PHKB: variants seen among roughly 807,000 people sequenced by gnomAD.
The protein encoded by PHKB is phosphorylase b kinase regulatory subunit beta.
Under a neutral mutation model 152.1 loss-of-function variants are expected in PHKB, and 122 were observed. The ratio of observed to expected loss-of-function variants is 0.80; its 90% CI spans 0.69 to 0.93. The LOEUF (loss-of-function observed/expected upper bound fraction) is 0.93, where lower values mean the gene tolerates loss of function less well. Ranked by LOEUF, PHKB falls within the 40% of genes least tolerant of loss-of-function variation. The pLI, the probability that PHKB is intolerant of heterozygous loss-of-function variation, is 0.00. For missense variants in PHKB, 1,304 were observed against 1,328.4 expected, an observed-to-expected ratio of 0.98 and a Z score of 0.29; for synonymous variants, 436 against 464.9, an observed-to-expected ratio of 0.94 and a Z score of 0.80.
intron 12 of PHKB, among the ~76,000 whole-genome samples, chr16:47,594,722 G>T (rs1972088630): frequency 6.6e-6 from 1 of 152,158 alleles, no homozygotes; most frequent in African/African-American, 2.4e-5. Context: ...ATGGTCAGAA[G>T]GCCCAGTCTT....
chr16:47,476,053 A>G (rs1969862757), intron 1 of PHKB, among the ~76,000 whole-genome samples: 1 of 151,764 alleles, frequency 6.6e-6, no homozygotes, highest in Non-Finnish European at 1.5e-5. Context: ...TTCTTGTTTT[A>G]GGGACAGGAT....
intron 20 of PHKB, among the ~76,000 whole-genome samples, chr16:47,651,624 G>A (rs890485611): frequency 6.6e-5 from 10 of 152,126 alleles, no homozygotes; most frequent in African/African-American, 2.4e-4. Flanking sequence ...TACTAAGACT[G>A]CGGTCTATTA....
intron 10 of PHKB, among the ~76,000 whole-genome samples, chr16:47,592,965 G>C (rs1972053914): frequency 6.6e-6 from 1 of 152,012 alleles, no homozygotes; most frequent in South Asian, 2.1e-4. Context: ...TTAGTGGCTG[G>C]CCACAGTGGT....
rs1973426477 is a variant in PHKB, at chr16:47,660,678, T to C, written c.2055T>C (p.Phe685=). ...DTEELPEFKS[F]EELEPPKHSK... ...TTAGGCTTCCAGAATTTAAGAGTTT[T>C]GAGGAACTAGAACCTCCCAAACATT... Residue 685 remains phenylalanine, a synonymous_variant, in exon 22 of 31, where the codon TTT becomes TTC. Transcript: ENST00000323584. The C allele has an allele frequency of 1.2e-6, 2 of 1,614,144 alleles. No homozygotes were observed. Among genetic ancestry groups the C allele is most frequent in the Non-Finnish European group, 8.5e-7 (1 of 1,179,992 alleles).
intron 2 of PHKB, among the ~76,000 whole-genome samples, chr16:47,498,317 G>C (rs1379900059): frequency 3.3e-5 from 5 of 152,034 alleles, no homozygotes; most frequent in Non-Finnish European, 7.4e-5. Flanking sequence ...TGGACTCTTA[G>C]GACTAATTTT....
At chr16:47,528,907 G>A (rs1970813197) in intron 6 of PHKB, among the ~76,000 whole-genome samples, 1 of 151,746 alleles carries the variant, frequency 6.6e-6, no homozygotes, top group South Asian at 2.1e-4. Flanking sequence ...TCTTGGCCAG[G>A]GTGATCTTGA....
chr16:47,565,373 G>A, intron 7 of PHKB: 1 of 967,168 alleles, frequency 1.0e-6, no homozygotes. Flanking sequence ...AGATGGTTGA[G>A]CTGGAGCTAC....
At chr16:47,477,911 A>G (rs1597015419) in intron 1 of PHKB, among the ~76,000 whole-genome samples, 1 of 152,310 alleles carries the variant, frequency 6.6e-6, no homozygotes, top group East Asian at 1.9e-4. Flanking sequence ...TGTGTGTCAT[A>G]GTGTGAACTT....
chr16:47,536,401 C>T (rs1970953414), intron 6 of PHKB, among the ~76,000 whole-genome samples: 1 of 152,150 alleles, frequency 6.6e-6, no homozygotes, highest in African/African-American at 2.4e-5. Context: ...CTCAAGAGGC[C>T]AGTTCTTACT....
chr16:47,483,216 T>C (rs1969996195), intron 1 of PHKB, among the ~76,000 whole-genome samples: 1 of 151,622 alleles, frequency 6.6e-6, no homozygotes, highest in Non-Finnish European at 1.5e-5. Flanking sequence ...GCTTTGTATT[T>C]TTTGTATTTT....
chr16:47,695,198 A>C (rs1184045635), intron 28 of PHKB, among the ~76,000 whole-genome samples: 1 of 152,156 alleles, frequency 6.6e-6, no homozygotes, highest in Non-Finnish European at 1.5e-5. Context: ...GTCCTTTCAG[A>C]AGAGTAGGAA....
intron 7 of PHKB, among the ~76,000 whole-genome samples, chr16:47,557,137 A>T (rs1203108068): frequency 6.6e-6 from 1 of 152,180 alleles, no homozygotes; most frequent in Non-Finnish European, 1.5e-5. Flanking sequence ...TGGGGAAAGG[A>T]TTCCCTATTT....
chr16:47,598,002 G>C (rs1567321428), intron 13 of PHKB: 1 of 151,884 alleles, frequency 6.6e-6, no homozygotes, highest in Non-Finnish European at 1.5e-5. Context: ...ATATAATATA[G>C]TAACAACAAA....
At chr16:47,665,643 C>T (rs1286798167) in intron 25 of PHKB, 2 of 447,106 alleles carry the variant, frequency 4.5e-6, no homozygotes, top group African/African-American at 2.0e-5. Context: ...CCCTCCCTCC[C>T]TAATCAAAAT....
intron 14 of PHKB, among the ~76,000 whole-genome samples, chr16:47,616,782 T>G (rs1972526971): frequency 6.6e-6 from 1 of 150,972 alleles, no homozygotes; most frequent in Non-Finnish European, 1.5e-5. Context: ...GAGTGTGGAG[T>G]GGGAAATCAG....
chr16:47,553,308 C>A (rs1219081046), intron 7 of PHKB, among the ~76,000 whole-genome samples: 1 of 151,996 alleles, frequency 6.6e-6, no homozygotes, highest in Non-Finnish European at 1.5e-5. Context: ...GATATCCTTT[C>A]TTCCGCTTGA....
rs371140883 is a variant in PHKB at position 47,610,936 on chromosome 16, A to G, written c.1458+16A>G. On this transcript the variant is annotated intron_variant, in intron 14 of 30. Coordinates refer to ENST00000323584, the MANE Select transcript of PHKB (RefSeq NM_000293.3). Reference sequence around the variant, plus strand: ...TTCCAATCAGGTAAAGAATTATTCTATTTCTTGATTTAGACTCGTCCAGAG... The same window carrying G: ...TTCCAATCAGGTAAAGAATTATTCTGTTTCTTGATTTAGACTCGTCCAGAG... The G allele has an allele frequency of 7.0e-4, 996 of 1,429,676 alleles. 1 individual carries two copies. The highest frequency in any genetic ancestry group is 2.8e-3 in the Middle Eastern group (16 of 5,712). The allele number at this position is 1,429,676 out of a possible 1,614,324, so 88.6% of individuals were successfully genotyped here.
intron 1 of PHKB, among the ~76,000 whole-genome samples, chr16:47,466,541 C>G (rs1338124427): frequency 6.6e-6 from 1 of 152,144 alleles, no homozygotes; most frequent in Non-Finnish European, 1.5e-5. Flanking sequence ...TTTATAATGG[C>G]TCATGAGCTT....
chr16:47,573,706 C>G (rs1050792098), intron 7 of PHKB, among the ~76,000 whole-genome samples: 1 of 152,174 alleles, frequency 6.6e-6, no homozygotes, highest in South Asian at 2.1e-4. Context: ...CAGCACCTGC[C>G]TCTGTGGCAA....
Sources: gnomAD v4.1 joint callset for allele counts (sites outside exome capture counted in the v4.1 genomes callset) on GRCh38, gnomAD v4.1.1 for gene constraint, MANE v1.5 for transcripts, NCBI Gene and HGNC (gene_info 2026-07-23, HGNC 2026-07-21) for gene names.